DPP8: variants seen among roughly 807,000 people sequenced by gnomAD.
DPP8 encodes the protein dipeptidyl peptidase 8.
In DPP8, 31 loss-of-function variants were observed where a neutral mutation model predicts 107.5. The observed-to-expected ratio is 0.29, with a 90% CI of 0.22 to 0.39. The LOEUF is 0.39. DPP8 is among the 10% of genes least tolerant of loss of function. The pLI, the probability that DPP8 is intolerant of heterozygous loss-of-function variation, is 1.00. For synonymous variants in DPP8, 381 were observed against 356.6 expected (o/e 1.07, Z -0.77); for missense variants, 842 against 1,076.1 (o/e 0.78, Z 3.04).
At chr15:65,457,162 C>T (rs1339853500) in intron 15 of DPP8, among the ~76,000 whole-genome samples, 9 of 152,202 alleles carry the variant, frequency 5.9e-5, no homozygotes, top group Non-Finnish European at 4.4e-5. Context: ...CGAGACCAGC[C>T]TGGCCAACAT....
chr15:65,463,968 G>A (rs1595895265), intron 14 of DPP8, 62 bp from the exon 15 acceptor site: 8 of 1,290,294 alleles, frequency 6.2e-6, no homozygotes, highest in South Asian at 1.6e-5. Flanking sequence ...TACAATCTGG[G>A]AACAAGAAAC....
chr15:65,491,892 C>T (rs927363607), intron 5 of DPP8, among the ~76,000 whole-genome samples: 4 of 152,116 alleles, frequency 2.6e-5, no homozygotes, highest in Non-Finnish European at 5.9e-5. Context: ...GCCACGATGC[C>T]CGGCTAATTT....
At chr15:65,473,333 A>G (rs143467814) in intron 12 of DPP8, among the ~76,000 whole-genome samples, 2,665 of 152,022 alleles carry the variant, frequency 0.018, 45 homozygotes, top group Non-Finnish European at 0.025. Flanking sequence ...TCCAAAAAAA[A>G]AAAAAAAGAA....
At chr15:65,515,850 G>C (rs1036175898) in intron 1 of DPP8, 12 of 651,184 alleles carry the variant, frequency 1.8e-5, no homozygotes, top group Non-Finnish European at 2.8e-5. Context: ...GACCATATGT[G>C]GCCAAAAAGA....
Position 65,481,544 on chromosome 15 carries a change from G to A in DPP8, c.1089C>T (p.Ala363=). The change falls in exon 9 of 20, where the codon GCC becomes GCT. Residue 363 remains alanine, a synonymous_variant. Coordinates refer to ENST00000300141, the MANE Select transcript of DPP8 (RefSeq NM_130434.5). ...EILFEGVEYI[A]RAGWTPEGKY... ...TTCCCTCAGGAGTCCATCCAGCTCT[G>A]GCAATATATTCAACTCCTTCAAATA... The A allele has an allele frequency of 3.1e-6, 5 of 1,592,084 alleles. No individual in the cohort carries two copies. The highest frequency in any genetic ancestry group is 4.3e-6 in the Non-Finnish European group (5 of 1,170,678).
At chr15:65,515,853 C>T in intron 1 of DPP8, 2 of 635,802 alleles carry the variant, frequency 3.1e-6, no homozygotes, top group Non-Finnish European at 5.2e-6. Flanking sequence ...CATATGTGGC[C>T]AAAAAGAGAA....
At chr15:65,492,768 A>C (rs535008785) in intron 5 of DPP8, among the ~76,000 whole-genome samples, 1 of 151,750 alleles carries the variant, frequency 6.6e-6, no homozygotes, top group Non-Finnish European at 1.5e-5. Context: ...CTAATTTTTT[A>C]AAAAATTTTT....
intron 8 of DPP8, among the ~76,000 whole-genome samples, chr15:65,484,236 G>T (rs1051254548): frequency 6.6e-6 from 1 of 151,272 alleles, no homozygotes; most frequent in Non-Finnish European, 1.5e-5. Context: ...TGAGGCAGGA[G>T]AATCATGTGA....
intron 3 of DPP8, chr15:65,502,919 T>G (rs1383446783): frequency 6.6e-6 from 1 of 152,086 alleles, no homozygotes; most frequent in Non-Finnish European, 1.5e-5. Context: ...TGTAAAACAC[T>G]GTTCAAAGAA....
At chr15:65,457,473 T>C (rs2064530674) in intron 15 of DPP8, among the ~76,000 whole-genome samples, 2 of 152,044 alleles carry the variant, frequency 1.3e-5, no homozygotes, top group African/African-American at 4.8e-5. Flanking sequence ...CAAGTGATCC[T>C]CCTGCCTCAG....
Position 65,451,985 on chromosome 15 carries a change from T to G in DPP8, c.2389A>C (p.Met797Leu). The G allele has an allele frequency of 6.2e-7, 1 of 1,604,078 alleles. No individual in the cohort carries two copies. The highest frequency in any genetic ancestry group is 8.5e-7 in the Non-Finnish European group (1 of 1,176,916). Reference protein sequence around the residue: ...EQGYYLGSVAMQAEKFPSEPN... With the variant: ...EQGYYLGSVALQAEKFPSEPN... ...TCAGAGGGGAACTTTTCTGCTTGCA[T>G]GGCCACAGATCCTAAGTAATAGCCC... Residue 797 changes from methionine (M) to leucine (L), a missense_variant, in exon 18 of 20, where the codon ATG (methionine) becomes CTG (leucine). Transcript: ENST00000300141.
chr15:65,467,232 AT>A lies in DPP8; in HGVS notation c.1537-10del, dbSNP rs1257617630. 1 of 1,613,682 alleles carries A rather than the reference AT, an allele frequency of 6.2e-7. No homozygotes were observed. Among genetic ancestry groups the A allele is most frequent in the South Asian group, 1.1e-5 (1 of 90,902 alleles). On this transcript the variant is annotated splice_polypyrimidine_tract_variant and intron_variant, in intron 12 of 19. Transcript: ENST00000300141. ...ACTTCATCAACTTGGATCTGACAAGATAACAACAATAACAAAATCAGGGCTA... is the reference window on the plus strand; with the variant it reads ...ACTTCATCAACTTGGATCTGACAAGAAACAACAATAACAAAATCAGGGCTA...
intron 13 of DPP8, 57 bp downstream of exon 13, chr15:65,467,014 T>C: frequency 1.3e-6 from 2 of 1,593,068 alleles, no homozygotes; most frequent in Non-Finnish European, 1.7e-6. Context: ...AAAAGGAGTA[T>C]TACATAAGCA....
chr15:65,473,978 C>T (rs1359401307), intron 12 of DPP8, among the ~76,000 whole-genome samples: 1 of 152,090 alleles, frequency 6.6e-6, no homozygotes, highest in Non-Finnish European at 1.5e-5. Flanking sequence ...GTGGCACATG[C>T]CTGTAATCCC....
Position 65,454,459 on chromosome 15 carries a change from AG to A in DPP8, c.2119-45del, listed in dbSNP as rs748955538. 1.4e-5 allele frequency: 22 copies of A among 1,529,600 alleles called. No homozygotes were observed. In the Admixed American group the frequency reaches 3.2e-4, roughly 22 times the overall value. 94.8% of individuals were successfully genotyped at this position (1,529,600 alleles called of 1,614,324 possible). On this transcript the variant is annotated intron_variant, in intron 16 of 19. Transcript: ENST00000300141. ...CATTTCACTGATTCTGATGAATAAA[AG>A]TCTCGTAAGAGTGCTTTCAAAGATG...
chr15:65,459,770 C>T lies in DPP8; in HGVS notation c.1972-3399G>A, dbSNP rs1012652915. On this transcript the variant is annotated intron_variant, in intron 15 of 19. Transcript: ENST00000300141. ...AGGAGTTCGAGACCATCTTGGCCAACATGGTGAAACCCCATCTCTACTAAA... is the reference window on the plus strand; with the variant it reads ...AGGAGTTCGAGACCATCTTGGCCAATATGGTGAAACCCCATCTCTACTAAA... Among the ~76,000 whole-genome samples the T allele has an allele frequency of 2.6e-5, 4 of 152,158 alleles. No homozygotes were observed. In the South Asian group the frequency reaches 6.2e-4, roughly 24 times the overall value.
intron 15 of DPP8, among the ~76,000 whole-genome samples, chr15:65,458,414 C>T (rs537723822): frequency 1.3e-5 from 2 of 152,216 alleles, no homozygotes; most frequent in South Asian, 2.1e-4. Context: ...GTGTGCACCA[C>T]AATGCCTGGC....
chr15:65,492,935 T>C (rs1189462828), intron 5 of DPP8, among the ~76,000 whole-genome samples: 1 of 152,126 alleles, frequency 6.6e-6, no homozygotes, highest in Middle Eastern at 3.2e-3. Flanking sequence ...TTATTTTTGC[T>C]TATTTATATT....
chr15:65,504,671 A>AG (rs1273505013), intron 3 of DPP8, among the ~76,000 whole-genome samples: 64 of 150,946 alleles, frequency 4.2e-4, no homozygotes, highest in Non-Finnish European at 2.7e-4. Context: ...CCGTCTCAAA[A>AG]AAAAAAAAAA....
Sources: allele counts gnomAD v4.1 joint callset (sites outside exome capture counted in the v4.1 genomes callset), GRCh38; gene constraint gnomAD v4.1.1; transcripts MANE v1.5; gene names NCBI Gene and HGNC (gene_info 2026-07-23, HGNC 2026-07-21).